The following GALK2 variants were observed in gnomAD, a reference collection of about 807,000 sequenced individuals.
GALK2 encodes the protein galactokinase 2, also known as N-acetylgalactosamine kinase.
Under a neutral mutation model 52.4 loss-of-function variants are expected in GALK2, and 36 were observed. The ratio of observed to expected loss-of-function variants is 0.69; its 90% CI spans 0.53 to 0.91. The LOEUF is 0.91. GALK2 is among the 40% of genes least tolerant of loss of function. The pLI is 0.00. For synonymous variants in GALK2, 176 were observed against 199.1 expected, an observed-to-expected ratio of 0.88 and a Z score of 0.98; for missense variants, 579 against 559.1, an observed-to-expected ratio of 1.04 and a Z score of -0.36.
chr15:49,339,899 G>A (rs2040409282), intron 3 of GALK2, among the ~76,000 whole-genome samples: 1 of 152,128 alleles, frequency 6.6e-6, no homozygotes, highest in Non-Finnish European at 1.5e-5. Context: ...GAACTTCCTG[G>A]AGGCTTTGTT....
chr15:49,230,281 G>T (rs1396116913), intron 3 of GALK2, among the ~76,000 whole-genome samples: 1 of 152,162 alleles, frequency 6.6e-6, no homozygotes, highest in Non-Finnish European at 1.5e-5. Context: ...TAGTTCCTCT[G>T]TCAGTCGCAT....
chr15:49,180,256 T>G (rs896007930), intron 1 of GALK2, among the ~76,000 whole-genome samples: 5 of 152,222 alleles, frequency 3.3e-5, no homozygotes, highest in Admixed American at 2.6e-4. Context: ...TCAGGAAAAC[T>G]TGAATTTCAT....
chr15:49,256,556 G>A (rs1214429059), intron 5 of GALK2, among the ~76,000 whole-genome samples: 1 of 152,124 alleles, frequency 6.6e-6, no homozygotes, highest in Non-Finnish European at 1.5e-5. Flanking sequence ...TCATCTATAG[G>A]AGGCAGACAG....
intron 1 of GALK2, among the ~76,000 whole-genome samples, chr15:49,164,424 A>C (rs2084752225): frequency 6.6e-6 from 1 of 152,112 alleles, no homozygotes; most frequent in East Asian, 1.9e-4. Context: ...GGTTATGACA[A>C]GGTGAGGAAA....
At chr15:49,175,399 T>C (rs1171045939) in intron 1 of GALK2, among the ~76,000 whole-genome samples, 1 of 152,174 alleles carries the variant, frequency 6.6e-6, no homozygotes. Flanking sequence ...GTGGTTTTAC[T>C]TGTAGCCATG....
chr15:49,218,268 A>C (rs2089538897), intron 3 of GALK2, among the ~76,000 whole-genome samples: 1 of 152,164 alleles, frequency 6.6e-6, no homozygotes, highest in Non-Finnish European at 1.5e-5. Context: ...ATGTTTGATA[A>C]TATATCTTGT....
intron 1 of GALK2, chr15:49,194,970 G>A (rs1451681063): frequency 2.8e-6 from 1 of 351,866 alleles, no homozygotes; most frequent in Admixed American, 3.7e-5. Context: ...TATTTTTTGG[G>A]AGATTTAGTT....
chr15:49,329,784 T>C lies in GALK2; in HGVS notation c.*1625T>C. 1 of 957,212 alleles carries C rather than the reference T, an allele frequency of 1.0e-6. No individual in the cohort carries two copies. The highest frequency in any genetic ancestry group is 1.2e-6 in the Non-Finnish European group (1 of 805,198). The allele number at this position is 957,212 out of a possible 1,614,324, so 59.3% of individuals were successfully genotyped here. On this transcript the variant is annotated 3_prime_UTR_variant, in exon 10 of 10. Transcript: ENST00000560031. ...AGGATTTGTGGTTGGTATATAATTCTTTAAAGATACCTGGATCAGTGTAAA... is the reference window on the plus strand; with the variant it reads ...AGGATTTGTGGTTGGTATATAATTCCTTAAAGATACCTGGATCAGTGTAAA...
intron 3 of GALK2, among the ~76,000 whole-genome samples, chr15:49,352,717 G>C (rs1816293): frequency 0.42 from 63,780 of 151,896 alleles, 13,525 homozygotes; most frequent in African/African-American, 0.45. Context: ...AAATAGCTTG[G>C]TCATCACAGC....
chr15:49,367,168 C>T (rs2045353078), intron 3 of GALK2, among the ~76,000 whole-genome samples: 1 of 152,086 alleles, frequency 6.6e-6, no homozygotes, highest in African/African-American at 2.4e-5. Flanking sequence ...AGTAAAGTTG[C>T]AAAGATAGCC....
intron 3 of GALK2, among the ~76,000 whole-genome samples, chr15:49,339,415 C>T (rs1042724434): frequency 1.3e-5 from 2 of 152,082 alleles, no homozygotes; most frequent in Admixed American, 1.3e-4. Context: ...GCTGTAGGTC[C>T]GCCCCAGACC....
intron 5 of GALK2, among the ~76,000 whole-genome samples, chr15:49,260,603 G>T (rs2092057123): frequency 6.8e-6 from 1 of 147,084 alleles, no homozygotes; most frequent in Non-Finnish European, 1.5e-5. Context: ...GGCTTTTGTT[G>T]CCATTGCTTT....
intron 1 of GALK2, among the ~76,000 whole-genome samples, chr15:49,198,237 C>T (rs1233238677): frequency 2.6e-5 from 4 of 152,006 alleles, no homozygotes; most frequent in Non-Finnish European, 4.4e-5. Context: ...TGCAATGGCG[C>T]GGCCTCTGCT....
chr15:49,278,291 T>A (rs1179126721), intron 5 of GALK2, among the ~76,000 whole-genome samples: 1 of 152,084 alleles, frequency 6.6e-6, no homozygotes, highest in African/African-American at 2.4e-5. Context: ...AAAACACAAT[T>A]GGACATATAT....
At chr15:49,171,707 G>T (rs1216044930) in intron 1 of GALK2, among the ~76,000 whole-genome samples, 1 of 151,738 alleles carries the variant, frequency 6.6e-6, no homozygotes. Flanking sequence ...ACTGTTAAAG[G>T]CATGCTTCCA....
intron 1 of GALK2, among the ~76,000 whole-genome samples, chr15:49,157,470 T>C (rs2084498941): frequency 6.6e-6 from 1 of 152,176 alleles, no homozygotes; most frequent in Non-Finnish European, 1.5e-5. Flanking sequence ...TTTACAGTTA[T>C]AAAAAGTAAT....
intron 5 of GALK2, among the ~76,000 whole-genome samples, chr15:49,276,371 T>C (rs2031662799): frequency 6.6e-6 from 1 of 152,202 alleles, no homozygotes; most frequent in African/African-American, 2.4e-5. Context: ...CAGGTAGAAA[T>C]ATGCCTTTGT....
At chr15:49,178,650 C>T (rs1473098057) in intron 1 of GALK2, 8 of 220,672 alleles carry the variant, frequency 3.6e-5, no homozygotes, top group Non-Finnish European at 7.6e-5. Context: ...AGAGAGCTGT[C>T]AGTACTGCTA....
chr15:49,197,541 TCATATA>T (rs954133994), intron 1 of GALK2, among the ~76,000 whole-genome samples: 1 of 152,216 alleles, frequency 6.6e-6, no homozygotes, highest in Non-Finnish European at 1.5e-5. Flanking sequence ...TTTATTTGTT[TCATATA>T]CGCTTTATTC....
Sources: allele counts gnomAD v4.1 joint callset (sites outside exome capture counted in the v4.1 genomes callset), GRCh38; gene constraint gnomAD v4.1.1; transcripts MANE v1.5; gene names NCBI Gene and HGNC (gene_info 2026-07-23, HGNC 2026-07-21).